Variants in KIF26B observed in about 807,000 individuals in gnomAD.
KIF26B encodes the protein kinesin family member 26B, also known as kinesin-like protein KIF26B.
Under a neutral mutation model 151.2 loss-of-function variants are expected in KIF26B, and 63 were observed. That is an observed-to-expected ratio of 0.42 (90% CI 0.34 to 0.51). The LOEUF (loss-of-function observed/expected upper bound fraction) is 0.51. KIF26B is among the 20% of genes least tolerant of loss of function. The pLI is 0.07. For synonymous variants in KIF26B, 1,357 were observed against 1,262.1 expected, an observed-to-expected ratio of 1.08 and a Z score of -1.59; for missense variants, 2,813 against 2,913.6, an observed-to-expected ratio of 0.97 and a Z score of 0.79.
Position 245,186,289 on chromosome 1 carries a change from G to A in KIF26B, c.465+29606G>A, listed in dbSNP as rs539318315. ...GGCCGAGCTGGGTTCTAGTGATGCC[G>A]GCTACAGCCTCGACAGTTAAGGAAA... On this transcript the variant is annotated intron_variant, in intron 2 of 14. Transcript: ENST00000407071. Among the ~76,000 whole-genome samples the A allele has an allele frequency of 3.3e-5, 5 of 152,246 alleles. No homozygotes were observed. The East Asian group carries it at 5.8e-4, about 18-fold the overall frequency.
At chr1:245,474,536 CGAGTAGCTGG>C (rs1376615262) in intron 4 of KIF26B, among the ~76,000 whole-genome samples, 4 of 146,168 alleles carry the variant, frequency 2.7e-5, no homozygotes, top group Admixed American at 2.0e-4. Flanking sequence ...CTCAGCCTCC[CGAGTAGCTGG>C]AATTACAGGC....
chr1:245,364,395 A>G (rs953352341), intron 2 of KIF26B, among the ~76,000 whole-genome samples: 1 of 149,914 alleles, frequency 6.7e-6, no homozygotes, highest in Non-Finnish European at 1.5e-5. Context: ...TGATGTGCAG[A>G]CATGACTTCT....
chr1:245,684,126 G>A (rs1311501642), intron 10 of KIF26B, 107 bp from the exon 11 acceptor site: 3 of 1,207,444 alleles, frequency 2.5e-6, no homozygotes, highest in East Asian at 4.8e-5. Context: ...AAAGGGTGGG[G>A]GGACCACCAC....
chr1:245,624,474 T>G (rs938406031), intron 9 of KIF26B, among the ~76,000 whole-genome samples: 2 of 152,222 alleles, frequency 1.3e-5, no homozygotes, highest in Non-Finnish European at 2.9e-5. Flanking sequence ...AGGTTTGTAA[T>G]AGTGTCTTGT....
At chr1:245,204,908 G>A (rs1466078227) in intron 2 of KIF26B, among the ~76,000 whole-genome samples, 3 of 152,120 alleles carry the variant, frequency 2.0e-5, no homozygotes, top group Non-Finnish European at 4.4e-5. Flanking sequence ...AGCCTCCCAA[G>A]TAGCTGGGAC....
rs1670173611 is a variant in KIF26B at position 245,239,476 on chromosome 1, T to C, written c.465+82793T>C. Among the ~76,000 whole-genome samples the C allele has an allele frequency of 6.6e-6, 1 of 152,144 alleles. No individual in the cohort carries two copies. Among genetic ancestry groups the C allele is most frequent in the African/African-American group, 2.4e-5 (1 of 41,458 alleles). On this transcript the variant is annotated intron_variant, in intron 2 of 14. Transcript: ENST00000407071. The surrounding 1 kb of genome is among the most constrained non-coding windows in gnomAD (Gnocchi z 4.3). Reference sequence around the variant, plus strand: ...ATTTTTGATTCATTGACTAGGATTATGGTTAGTAAAATGATTTTCTTTTGT... The same window carrying C: ...ATTTTTGATTCATTGACTAGGATTACGGTTAGTAAAATGATTTTCTTTTGT...
chr1:245,683,206 C>T (rs66786720), intron 10 of KIF26B, among the ~76,000 whole-genome samples: 48,978 of 152,026 alleles, frequency 0.32, 9,786 homozygotes, highest in Middle Eastern at 0.49. Context: ...CTCCAGGGAG[C>T]TTTGCAGGGG....
intron 4 of KIF26B, among the ~76,000 whole-genome samples, chr1:245,464,627 C>T (rs1434944271): frequency 8.0e-5 from 9 of 112,002 alleles, no homozygotes; most frequent in Non-Finnish European, 1.7e-4. Flanking sequence ...TGGGTGTGTG[C>T]ATGTTTGGCA....
chr1:245,605,729 G>A (rs1176924897), intron 6 of KIF26B, among the ~76,000 whole-genome samples: 2 of 152,100 alleles, frequency 1.3e-5, no homozygotes, highest in African/African-American at 4.8e-5. Flanking sequence ...GGCCTCCGGG[G>A]CCCCTGCCAG....
chr1:245,529,428 A>G (rs1188101862), intron 4 of KIF26B, among the ~76,000 whole-genome samples: 1 of 152,206 alleles, frequency 6.6e-6, no homozygotes, highest in African/African-American at 2.4e-5. Context: ...TTCTGAGACA[A>G]AAGCCCCCAG....
chr1:245,443,100 C>G (rs1558167622), intron 4 of KIF26B, among the ~76,000 whole-genome samples: 1 of 142,408 alleles, frequency 7.0e-6, no homozygotes, highest in Admixed American at 6.9e-5. Context: ...CCTCACTGTT[C>G]ACTTAGAGGA....
chr1:245,360,459 C>T (rs1398403730), intron 2 of KIF26B, among the ~76,000 whole-genome samples: 1 of 152,148 alleles, frequency 6.6e-6, no homozygotes, highest in Admixed American at 6.5e-5. Flanking sequence ...TCAGCATTTA[C>T]CAAGGGCCAG....
intron 12 of KIF26B, among the ~76,000 whole-genome samples, chr1:245,695,491 G>A (rs1000222751): frequency 6.6e-6 from 1 of 152,166 alleles, no homozygotes; most frequent in Admixed American, 6.5e-5. Flanking sequence ...CGGGATTGAG[G>A]TTCTGGTACC....
At chr1:245,253,943 G>A (rs1670488674) in intron 2 of KIF26B, among the ~76,000 whole-genome samples, 1 of 151,326 alleles carries the variant, frequency 6.6e-6, no homozygotes, top group Admixed American at 6.6e-5. Flanking sequence ...CCGAGTAGCT[G>A]GGACTACAGG....
At chr1:245,327,160 T>C (rs1432702367) in intron 2 of KIF26B, among the ~76,000 whole-genome samples, 1 of 152,188 alleles carries the variant, frequency 6.6e-6, no homozygotes, top group Non-Finnish European at 1.5e-5. Context: ...TCCTATGGCT[T>C]TGGAAGGCAC....
rs183991725 is a variant in KIF26B at position 245,539,755 on chromosome 1, C to T, written c.1167-1012C>T. Among the ~76,000 whole-genome samples, 527 of 152,268 alleles carry T rather than the reference C, an allele frequency of 3.5e-3. 4 individuals are homozygous for T. The highest frequency in any genetic ancestry group is 0.01 in the Middle Eastern group (3 of 294). Reference sequence around the variant, plus strand: ...GCAACCTCCGCCTCCTGGGTTCAAGCGATCCTCCTGCCTCAGCCTCCCGAA... The same window carrying T: ...GCAACCTCCGCCTCCTGGGTTCAAGTGATCCTCCTGCCTCAGCCTCCCGAA... On this transcript the variant is annotated intron_variant, in intron 4 of 14. Transcript: ENST00000407071.
At chr1:245,327,542 C>T (rs1672014807) in intron 2 of KIF26B, among the ~76,000 whole-genome samples, 2 of 152,196 alleles carry the variant, frequency 1.3e-5, no homozygotes, top group Admixed American at 1.3e-4. Context: ...GAAGTTCTTT[C>T]TCTGGGATCC....
chr1:245,644,935 T>G (rs2043931074), intron 9 of KIF26B, among the ~76,000 whole-genome samples: 1 of 152,128 alleles, frequency 6.6e-6, no homozygotes, highest in South Asian at 2.1e-4. Context: ...CTGCTTCTGG[T>G]GAGGACTCAG....
chr1:245,289,711 T>C (rs1009648902), intron 2 of KIF26B, among the ~76,000 whole-genome samples: 3 of 145,998 alleles, frequency 2.1e-5, no homozygotes, highest in African/African-American at 5.1e-5. Context: ...GATTCCCAAT[T>C]TTTCTGCAGG....
Sources: allele counts gnomAD v4.1 joint callset (sites outside exome capture counted in the v4.1 genomes callset), GRCh38; gene constraint gnomAD v4.1.1; non-coding constraint Gnocchi (gnomAD v3.1); transcripts MANE v1.5; gene names NCBI Gene and HGNC (gene_info 2026-07-23, HGNC 2026-07-21).